Variants in DLGAP2 observed in about 807,000 individuals in gnomAD.
DLGAP2 encodes the protein DLG associated protein 2.
Under a neutral mutation model 100.3 loss-of-function variants are expected in DLGAP2, and 26 were observed. The observed-to-expected ratio is 0.26, with a 90% CI of 0.19 to 0.36. The LOEUF (loss-of-function observed/expected upper bound fraction) is 0.36, where lower values mean the gene tolerates loss of function less well. DLGAP2 is among the 10% of genes least tolerant of loss of function. DLGAP2 has a pLI of 1.00. For missense variants in DLGAP2, 1,858 were observed against 1,453.2 expected (o/e 1.28, Z -4.53); for synonymous variants, 886 against 630.1 (o/e 1.41, Z -6.08).
chr8:1,616,197 C>G (rs1326046305), intron 6 of DLGAP2, among the ~76,000 whole-genome samples: 1 of 151,648 alleles, frequency 6.6e-6, no homozygotes, highest in Non-Finnish European at 1.5e-5. Context: ...TAGATATTCT[C>G]AAATATGAAA....
chr8:1,632,680 C>G (rs186669393), intron 7 of DLGAP2, 147 bp from the exon 8 acceptor site: 16 of 710,926 alleles, frequency 2.3e-5, no homozygotes, highest in Non-Finnish European at 3.7e-5. Context: ...CAAGCTCAGC[C>G]GATGCCCATG....
intron 1 of DLGAP2, among the ~76,000 whole-genome samples, chr8:751,970 A>G (rs1451198995): frequency 6.6e-6 from 1 of 152,194 alleles, no homozygotes. Flanking sequence ...TTCATCTGAC[A>G]CTTTTTTCAG....
chr8:1,003,770 C>T (rs1249015480), intron 2 of DLGAP2, among the ~76,000 whole-genome samples: 1 of 152,180 alleles, frequency 6.6e-6, no homozygotes, highest in African/African-American at 2.4e-5. Flanking sequence ...TGAGACCTGT[C>T]CAGCACCTTG....
intron 4 of DLGAP2, among the ~76,000 whole-genome samples, chr8:1,539,249 G>A (rs1365799475): frequency 2.6e-5 from 4 of 152,194 alleles, no homozygotes; most frequent in Non-Finnish European, 4.4e-5. Context: ...GACTCTGAGA[G>A]AGCTCAGGCA....
intron 1 of DLGAP2, among the ~76,000 whole-genome samples, chr8:827,824 G>T (rs963892016): frequency 6.6e-6 from 1 of 152,206 alleles, no homozygotes; most frequent in African/African-American, 2.4e-5. Flanking sequence ...CGGGGGACCT[G>T]CCCCGATAAT....
In DLGAP2 at chr8:915,234, G is replaced by T. The variant is rs142515753; in HGVS notation, c.73+7268G>T. 2.9e-3 allele frequency among the ~76,000 whole-genome samples: 446 copies of T among 152,322 alleles called. 5 individuals are homozygous for T. Among genetic ancestry groups the T allele is most frequent in the African/African-American group, 0.01 (426 of 41,584 alleles). The stretch of plus-strand genomic sequence containing the variant: ...GGTGCTGTGGCGTTGCCCTCCCTTG[G>T]GAGGAGGGAACATCTGTGAAACCCA... On this transcript the variant is annotated intron_variant, in intron 2 of 14. Transcript: ENST00000637795.
intron 1 of DLGAP2, among the ~76,000 whole-genome samples, chr8:741,996 G>C (rs1327916311): frequency 6.6e-6 from 1 of 152,232 alleles, no homozygotes; most frequent in African/African-American, 2.4e-5. Context: ...TATGCAGAGA[G>C]CTTGGTCCTG....
chr8:876,781 C>G (rs950443669), intron 1 of DLGAP2, among the ~76,000 whole-genome samples: 1 of 152,090 alleles, frequency 6.6e-6, no homozygotes, highest in African/African-American at 2.4e-5. Context: ...TTTGTGTGCT[C>G]TAGGTGCCCT....
chr8:1,296,744 G>A (rs911635363), intron 3 of DLGAP2, among the ~76,000 whole-genome samples: 12 of 152,186 alleles, frequency 7.9e-5, no homozygotes, highest in East Asian at 5.8e-4. Context: ...GTTCGCTTGC[G>A]GGAAACGTGG....
At chr8:1,183,222 G>A (rs999142965) in intron 2 of DLGAP2, among the ~76,000 whole-genome samples, 4 of 152,174 alleles carry the variant, frequency 2.6e-5, no homozygotes, top group Admixed American at 6.5e-5. Context: ...GGGTCCTGGC[G>A]TGGAGGGGAG....
At chr8:1,537,305 G>A (rs1186921612) in intron 4 of DLGAP2, among the ~76,000 whole-genome samples, 1 of 152,198 alleles carries the variant, frequency 6.6e-6, no homozygotes, top group African/African-American at 2.4e-5. Context: ...GCACATAGTT[G>A]TGTGTGCCTG....
At chr8:986,222 A>AG (rs1311821166) in intron 2 of DLGAP2, among the ~76,000 whole-genome samples, 1 of 152,156 alleles carries the variant, frequency 6.6e-6, no homozygotes, top group African/African-American at 2.4e-5. Flanking sequence ...TAGGATGTTT[A>AG]GCACAGCAGG....
At chr8:1,502,034 T>A (rs1298948554) in intron 4 of DLGAP2, among the ~76,000 whole-genome samples, 1 of 152,246 alleles carries the variant, frequency 6.6e-6, no homozygotes, top group Non-Finnish European at 1.5e-5. Flanking sequence ...CAAGGCCCAA[T>A]GCTTCTGTTA....
chr8:881,249 C>T (rs1279507550), intron 1 of DLGAP2, among the ~76,000 whole-genome samples: 2 of 152,210 alleles, frequency 1.3e-5, no homozygotes, highest in Non-Finnish European at 2.9e-5. Context: ...ATAAAACTCT[C>T]TCAGAGTAGT....
intron 3 of DLGAP2, among the ~76,000 whole-genome samples, chr8:1,303,054 A>T (rs1270168231): frequency 1.3e-5 from 2 of 152,108 alleles, no homozygotes; most frequent in Non-Finnish European, 2.9e-5. Flanking sequence ...CCTGGACTCC[A>T]CCTCGCAGGG....
intron 2 of DLGAP2, among the ~76,000 whole-genome samples, chr8:1,191,951 C>G (rs572267670): frequency 6.6e-6 from 1 of 152,186 alleles, no homozygotes; most frequent in Non-Finnish European, 1.5e-5. Flanking sequence ...TTCTCATGTG[C>G]ATGTGTAGCA....
intron 9 of DLGAP2, among the ~76,000 whole-genome samples, chr8:1,668,957 G>A (rs995640144): frequency 2.6e-5 from 4 of 152,140 alleles, no homozygotes; most frequent in Non-Finnish European, 4.4e-5. Flanking sequence ...AATACACTCC[G>A]GGCCACTTGT....
chr8:1,493,357 C>T (rs1265039214), intron 3 of DLGAP2, among the ~76,000 whole-genome samples: 1 of 151,208 alleles, frequency 6.6e-6, no homozygotes, highest in Non-Finnish European at 1.5e-5. Flanking sequence ...AGCGTGTAGA[C>T]ATCTGCCTCC....
chr8:970,138 T>C (rs1799977744), intron 2 of DLGAP2, among the ~76,000 whole-genome samples: 1 of 152,178 alleles, frequency 6.6e-6, no homozygotes, highest in South Asian at 2.1e-4. Flanking sequence ...ATTTTGGAGC[T>C]GCAGTCATTT....
Sources: gnomAD v4.1 joint callset for allele counts (sites outside exome capture counted in the v4.1 genomes callset) on GRCh38, gnomAD v4.1.1 for gene constraint, MANE v1.5 for transcripts, NCBI Gene and HGNC (gene_info 2026-07-23, HGNC 2026-07-21) for gene names.